Variants in ZNF221 observed in about 807,000 individuals in gnomAD.
ZNF221 encodes zinc finger protein 221.
A neutral mutation model predicts 12.6 loss-of-function variants in ZNF221; 10 were observed. The ratio of observed to expected loss-of-function variants is 0.79; its 90% CI spans 0.49 to 1.34. The LOEUF (loss-of-function observed/expected upper bound fraction) is 1.34, where lower values mean the gene tolerates loss of function less well. Among genes scored for constraint, ZNF221 ranks in the 40% most tolerant of loss-of-function variants. The probability of loss-of-function intolerance (pLI) is 0.00; values close to 1 mark genes in which losing one functional copy is unlikely to be tolerated. For missense variants in ZNF221, 661 were observed against 721.4 expected (o/e 0.92, Z 0.96); for synonymous variants, 232 against 244.0 (o/e 0.95, Z 0.46).
At chr19:43,970,632 A>G (rs542828915), downstream of ZNF221, among the ~76,000 whole-genome samples, 2 of 152,354 alleles carry the variant, frequency 1.3e-5, no homozygotes, top group South Asian at 4.1e-4. Flanking sequence ...ACAAGTATCA[A>G]TTGTAGAATA....
chr19:43,964,468 C>G (rs1974902544), intron 2 of ZNF221, among the ~76,000 whole-genome samples: 1 of 152,092 alleles, frequency 6.6e-6, no homozygotes, highest in African/African-American at 2.4e-5. Flanking sequence ...CATAGCTGTC[C>G]CACACAGGTC....
Position 43,951,248 on chromosome 19 carries a change from G to A in ZNF221, c.-155G>A, listed in dbSNP as rs554138022. 1 of 152,246 alleles carries A rather than the reference G, an allele frequency of 6.6e-6. No individual in the cohort carries two copies. Among genetic ancestry groups the A allele is most frequent in the Non-Finnish European group, 1.5e-5 (1 of 68,064 alleles). The allele number at this position is 152,246 out of a possible 1,614,324, so 9.4% of individuals were successfully genotyped here. On this transcript the variant is annotated 5_prime_UTR_variant, in exon 1 of 5. Transcript: ENST00000587682. Reference sequence around the variant, plus strand: ...AGTCCAGACGCTCTGTGGAGTCGCGGGAGCTACGGCTGCGGGAGTTACCCT... The same window carrying A: ...AGTCCAGACGCTCTGTGGAGTCGCGAGAGCTACGGCTGCGGGAGTTACCCT...
Position 43,962,657 on chromosome 19 carries a change from A to T in ZNF221, c.-2-68A>T, listed in dbSNP as rs1974865242. 4.9e-6 allele frequency: 7 copies of T among 1,419,208 alleles called. No homozygotes were observed. The East Asian group carries it at 1.4e-4, about 28-fold the overall frequency. The allele number at this position is 1,419,208 out of a possible 1,614,324, so 87.9% of individuals were successfully genotyped here. A position where few individuals can be genotyped will look rare whatever the true frequency, so the allele number is the denominator to read the frequency against. ...ATGTGCTAATTGAAAATACTTGTCTATGTTGGTGGTCGGCATTCCTAGTTA... is the reference window on the plus strand; with the variant it reads ...ATGTGCTAATTGAAAATACTTGTCTTTGTTGGTGGTCGGCATTCCTAGTTA... On this transcript the variant is annotated intron_variant, in intron 1 of 4. Transcript: ENST00000587682.
At chr19:43,975,985 CAG>C in the ZNF221 span, among the ~76,000 whole-genome samples, 1 of 152,202 alleles carries the variant, frequency 6.6e-6, no homozygotes, top group East Asian at 1.9e-4. Flanking sequence ...TTTGTAATAA[CAG>C]ACCACTGCAT....
Position 43,966,211 on chromosome 19 carries a change from C to T in ZNF221, c.709C>T (p.Gln237Ter). Residue 237 changes from glutamine to a stop codon, truncating the protein, a stop_gained, in exon 5 of 5, where the codon CAG becomes TAG. Coordinates refer to ENST00000587682, the MANE Select transcript of ZNF221 (RefSeq NM_001297588.2). LOFTEE classifies it low-confidence loss of function (END_TRUNC). ...KCDVCGKEFN[Q>*]SSHLQTHQRV... Reference sequence around the variant, plus strand: ...TGATGTGTGTGGTAAGGAATTTAATCAGAGCTCACATCTGCAAACTCATCA... The same window carrying T: ...TGATGTGTGTGGTAAGGAATTTAATTAGAGCTCACATCTGCAAACTCATCA... 6.2e-7 allele frequency: 1 copy of T among 1,614,190 alleles called. No homozygotes were observed. Among genetic ancestry groups the T allele is most frequent in the Non-Finnish European group, 8.5e-7 (1 of 1,180,038 alleles).
downstream of ZNF221, among the ~76,000 whole-genome samples, chr19:43,972,166 C>T (rs1599825492): frequency 6.6e-6 from 1 of 152,102 alleles, no homozygotes; most frequent in East Asian, 1.9e-4. Context: ...GAATAACCTG[C>T]TTGTGAATGA....
intron 1 of ZNF221, among the ~76,000 whole-genome samples, chr19:43,954,251 A>G (rs1056391532): frequency 3.3e-5 from 5 of 152,210 alleles, no homozygotes; most frequent in African/African-American, 9.7e-5. Flanking sequence ...TTAGCAAAAC[A>G]TATAGCTTCA....
At chr19:43,953,774 T>C (rs1037674866) in intron 1 of ZNF221, among the ~76,000 whole-genome samples, 2 of 152,152 alleles carry the variant, frequency 1.3e-5, no homozygotes, top group Non-Finnish European at 2.9e-5. Flanking sequence ...ACCCAGATCC[T>C]CTTACATAAA....
intron 1 of ZNF221, among the ~76,000 whole-genome samples, 155 bp from the exon 2 acceptor site, chr19:43,962,570 C>T (rs987770255): frequency 4.6e-5 from 7 of 152,104 alleles, no homozygotes; most frequent in African/African-American, 4.8e-5. Flanking sequence ...TTCATTTACC[C>T]GTAGGAGGGC....
chr19:43,973,552 T>C, the ZNF221 span, among the ~76,000 whole-genome samples: 4 of 152,338 alleles, frequency 2.6e-5, 1 homozygote, highest in Admixed American at 2.6e-4. Flanking sequence ...ACTTCAGCAA[T>C]GTCTCAGGAT....
At chr19:43,979,923 C>A in the ZNF221 span, among the ~76,000 whole-genome samples, 17,111 of 152,060 alleles carry the variant, frequency 0.11, 1,020 homozygotes, top group East Asian at 0.14. Context: ...TTGTTAAAGC[C>A]ACGACATGGT....
chr19:43,979,752 C>G, the ZNF221 span, among the ~76,000 whole-genome samples: 37 of 152,164 alleles, frequency 2.4e-4, no homozygotes, highest in East Asian at 7.1e-3. Flanking sequence ...TCCGTTTCAA[C>G]GCTGACCAAA....
chr19:43,952,819 A>G (rs1345692101), intron 1 of ZNF221, among the ~76,000 whole-genome samples: 1 of 152,050 alleles, frequency 6.6e-6, no homozygotes, highest in Non-Finnish European at 1.5e-5. Context: ...ATTTTTTTTC[A>G]CTTATTACAC....
intron 1 of ZNF221, among the ~76,000 whole-genome samples, chr19:43,952,837 G>A (rs577483781): frequency 6.6e-6 from 1 of 152,148 alleles, no homozygotes; most frequent in East Asian, 1.9e-4. Flanking sequence ...CACATATTTT[G>A]TATTCTTATA....
intron 1 of ZNF221, among the ~76,000 whole-genome samples, chr19:43,960,027 G>T (rs1974818462): frequency 1.3e-5 from 2 of 151,854 alleles, no homozygotes; most frequent in African/African-American, 4.8e-5. Flanking sequence ...CTTACAGACT[G>T]ATTAAATAGC....
chr19:43,952,023 G>A (rs1460431861), intron 1 of ZNF221, among the ~76,000 whole-genome samples: 1 of 151,116 alleles, frequency 6.6e-6, no homozygotes, highest in Admixed American at 6.6e-5. Context: ...ACAGGCGCCC[G>A]CTACCACGCC....
At position 43,966,348 on chromosome 19, in the gene ZNF221, T is replaced by C. The variant is rs766484030; in HGVS notation, c.846T>C (p.Tyr282=). ...HCKLHTGEKP[Y]NCEECGKAFI... is the part of the protein sequence containing the mutation. ...AATTGCACACAGGAGAGAAACCTTA[T>C]AATTGTGAGGAATGTGGGAAAGCCT... The change falls in exon 5 of 5, where the codon TAT becomes TAC. Residue 282 remains tyrosine (Y), a synonymous_variant. Coordinates refer to ENST00000587682, the MANE Select transcript of ZNF221 (RefSeq NM_001297588.2). 6.2e-7 allele frequency: 1 copy of C among 1,614,140 alleles called. No homozygotes were observed. The highest frequency in any genetic ancestry group is 8.5e-7 in the Non-Finnish European group (1 of 1,180,014).
chr19:43,956,558 A>G (rs1274363139), intron 1 of ZNF221, among the ~76,000 whole-genome samples: 1 of 37,364 alleles, frequency 2.7e-5, no homozygotes, highest in Non-Finnish European at 6.0e-5. Flanking sequence ...ATTGAGCCAA[A>G]GGACCCTGGC....
At chr19:43,962,957 A>C in intron 2 of ZNF221, 150 bp downstream of exon 2, 1 of 674,554 alleles carries the variant, frequency 1.5e-6, no homozygotes, top group Non-Finnish European at 2.4e-6. Context: ...TTTTGAATTG[A>C]CTTTCCGTTT....
Sources: allele counts gnomAD v4.1 joint callset (sites outside exome capture counted in the v4.1 genomes callset), GRCh38; gene constraint gnomAD v4.1.1; transcripts MANE v1.5; gene names NCBI Gene and HGNC (gene_info 2026-07-23, HGNC 2026-07-21).